The following FABP6 variants were observed in gnomAD, a reference collection of about 807,000 sequenced individuals.
FABP6 encodes fatty acid binding protein 6.
Under a neutral mutation model 14.9 loss-of-function variants are expected in FABP6, and 13 were observed. The ratio of observed to expected loss-of-function variants is 0.87; its 90% CI spans 0.57 to 1.39. The LOEUF is 1.39. Ranked by LOEUF, FABP6 falls within the 40% of genes most tolerant of loss-of-function variation. The probability of loss-of-function intolerance (pLI) is 0.00; values close to 1 mark genes in which losing one functional copy is unlikely to be tolerated. For synonymous variants in FABP6, 75 were observed against 63.6 expected, an observed-to-expected ratio of 1.18 and a Z score of -0.85; for missense variants, 161 against 167.2, an observed-to-expected ratio of 0.96 and a Z score of 0.20.
chr5:160,197,956 G>A (rs867179923), intron 1 of FABP6: 37 of 125,426 alleles, frequency 2.9e-4, no homozygotes, highest in South Asian at 2.6e-4. Flanking sequence ...GTGTGTGTAT[G>A]TGTGTGTGTG....
At chr5:160,226,632 C>T (rs1186305578), upstream of FABP6, among the ~76,000 whole-genome samples, 1 of 152,022 alleles carries the variant, frequency 6.6e-6, no homozygotes, top group African/African-American at 2.4e-5. Context: ...CCTCTGTTTG[C>T]TCCTAGGTGA....
chr5:160,236,019 T>C (rs1760507053), intron 3 of FABP6, among the ~76,000 whole-genome samples: 1 of 145,774 alleles, frequency 6.9e-6, no homozygotes, highest in Admixed American at 6.9e-5. Context: ...CATGTCTGTT[T>C]TTTTTTTTTT....
At chr5:160,212,564 G>C (rs1023593177) in intron 2 of FABP6, among the ~76,000 whole-genome samples, 1 of 151,742 alleles carries the variant, frequency 6.6e-6, no homozygotes, top group Non-Finnish European at 1.5e-5. Context: ...CGCCTCCCAG[G>C]TTCACGCCAT....
intron 1 of FABP6, among the ~76,000 whole-genome samples, chr5:160,188,175 C>A (rs12110304): frequency 6.6e-6 from 1 of 151,706 alleles, no homozygotes; most frequent in Non-Finnish European, 1.5e-5. Context: ...TCCAGAGGGG[C>A]GGGAAGCCCT....
chr5:160,214,310 C>T (rs577863141), intron 3 of FABP6, among the ~76,000 whole-genome samples: 40 of 151,766 alleles, frequency 2.6e-4, no homozygotes, highest in African/African-American at 8.2e-4. Context: ...ATTACAGGCA[C>T]GTGCCACCAT....
intron 2 of FABP6, among the ~76,000 whole-genome samples, chr5:160,233,867 G>A (rs572359335): frequency 2.4e-5 from 3 of 123,662 alleles, no homozygotes; most frequent in Admixed American, 1.9e-4. Flanking sequence ...GCGAGGCTCC[G>A]TCTCAAAAAA....
chr5:160,191,215 T>C (rs150261633), intron 1 of FABP6, among the ~76,000 whole-genome samples: 6,044 of 151,794 alleles, frequency 0.04, 244 homozygotes, highest in East Asian at 0.2. Context: ...CCTGTAATCC[T>C]AGCACTTTGA....
chr5:160,200,416 ATTT>A (rs3044576), intron 2 of FABP6, among the ~76,000 whole-genome samples: 1 of 143,730 alleles, frequency 7.0e-6, no homozygotes, highest in African/African-American at 2.6e-5. Context: ...TTTTTTTTCT[ATTT>A]TTTTTTTTTT....
At chr5:160,235,050 C>T in intron 3 of FABP6, 141 bp downstream of exon 3, 2 of 562,082 alleles carry the variant, frequency 3.6e-6, no homozygotes, top group Non-Finnish European at 6.1e-6. Flanking sequence ...GCTGGATGCA[C>T]ATGATGTCAT....
At chr5:160,205,925 A>AT (rs1759755576) in intron 2 of FABP6, among the ~76,000 whole-genome samples, 1 of 152,176 alleles carries the variant, frequency 6.6e-6, no homozygotes, top group African/African-American at 2.4e-5. Context: ...CATGAGAGAT[A>AT]TTAACTTGAT....
intron 2 of FABP6, among the ~76,000 whole-genome samples, chr5:160,207,245 C>T (rs1759787319): frequency 6.6e-6 from 1 of 152,202 alleles, no homozygotes; most frequent in Non-Finnish European, 1.5e-5. Context: ...ACTCCCATGG[C>T]CCAATCCATT....
At chr5:160,187,742 ATTATTTAT>A (rs147766560) in intron 1 of FABP6, among the ~76,000 whole-genome samples, 6 of 150,562 alleles carry the variant, frequency 4.0e-5, no homozygotes, top group Middle Eastern at 3.2e-3. Context: ...AATATTTGCT[ATTATTTAT>A]TTATTTATTT....
intron 1 of FABP6, 71 bp from the exon 2 acceptor site, chr5:160,232,027 A>T (rs1311744328): frequency 6.4e-7 from 1 of 1,555,608 alleles, no homozygotes; most frequent in Non-Finnish European, 8.7e-7. Flanking sequence ...GGTGGGCAGG[A>T]AAGCTCTTTT....
chr5:160,195,577 C>T (rs1418889165), intron 1 of FABP6, among the ~76,000 whole-genome samples: 1 of 152,164 alleles, frequency 6.6e-6, no homozygotes, highest in Non-Finnish European at 1.5e-5. Context: ...ATCTCAGCCT[C>T]CCAAGGAGCT....
intron 2 of FABP6, among the ~76,000 whole-genome samples, chr5:160,200,696 G>T (rs975097294): frequency 2.0e-5 from 3 of 152,180 alleles, no homozygotes; most frequent in Non-Finnish European, 4.4e-5. Flanking sequence ...TTACAGGCGT[G>T]AGCCACCGCA....
Position 160,223,936 on chromosome 5 carries a change from C to CA in FABP6, c.136-5594dup, listed in dbSNP as rs533709503. Among the ~76,000 whole-genome samples the CA allele has an allele frequency of 1.3e-3, 173 of 134,428 alleles. 1 individual carries two copies. In the East Asian group the frequency reaches 0.029, roughly 22 times the overall value. The allele number at this position is 134,428 out of a possible 152,430, so 88.2% of individuals were successfully genotyped here. On this transcript the variant is annotated intron_variant, in intron 3 of 6. Coordinates refer to the FABP6 transcript ENST00000393980. ...GCAACAAAGTGAGATCCCATCTCTACAAAAAAAAAAAAAAAATTGGCCGGG... is the reference window on the plus strand; with the variant it reads ...GCAACAAAGTGAGATCCCATCTCTACAAAAAAAAAAAAAAAAATTGGCCGGG...
intron 2 of FABP6, among the ~76,000 whole-genome samples, chr5:160,234,576 G>A (rs1760466113): frequency 6.6e-6 from 1 of 151,974 alleles, no homozygotes; most frequent in Non-Finnish European, 1.5e-5. Flanking sequence ...ACAGGCATGA[G>A]CCACCACACC....
chr5:160,204,404 G>A (rs961601743), intron 2 of FABP6, among the ~76,000 whole-genome samples: 1 of 152,092 alleles, frequency 6.6e-6, no homozygotes, highest in Non-Finnish European at 1.5e-5. Flanking sequence ...TCCACGAAGG[G>A]CACACAATGA....
chr5:160,197,960 G>A (rs1409551254), intron 1 of FABP6: 1 of 151,590 alleles, frequency 6.6e-6, no homozygotes, highest in Non-Finnish European at 1.4e-5. Context: ...GTGTATGTGT[G>A]TGTGTGTGTG....
Sources: gnomAD v4.1 joint callset for allele counts (sites outside exome capture counted in the v4.1 genomes callset) on GRCh38, gnomAD v4.1.1 for gene constraint, MANE v1.5 for transcripts, NCBI Gene and HGNC (gene_info 2026-07-23, HGNC 2026-07-21) for gene names.